The following CASQ1 variants were observed in gnomAD, a reference collection of about 807,000 sequenced individuals.
The protein encoded by CASQ1 is calsequestrin-1.
A neutral mutation model predicts 49.5 loss-of-function variants in CASQ1; 40 were observed. The ratio of observed to expected loss-of-function variants is 0.81; its 90% CI spans 0.63 to 1.05. The LOEUF is 1.05. Ranked by LOEUF, CASQ1 falls within the 50% of genes least tolerant of loss-of-function variation. CASQ1 has a pLI of 0.00. For synonymous variants in CASQ1, 174 were observed against 187.2 expected, an observed-to-expected ratio of 0.93 and a Z score of 0.58; for missense variants, 469 against 486.9, an observed-to-expected ratio of 0.96 and a Z score of 0.35.
At position 160,201,295 on chromosome 1, in the gene CASQ1, T is replaced by C. The variant is rs148441508; in HGVS notation, c.1110T>C (p.Ala370=). Residue 370 remains alanine (A), a synonymous_variant, in exon 11 of 11, where the codon GCT becomes GCC. Transcript: ENST00000368078. ...EMDDEEDLPS[A]EELEDWLEDV... The stretch of plus-strand genomic sequence containing the variant: ...ACGATGAGGAGGACCTGCCTTCTGC[T>C]GAGGAGCTGGAGGACTGGCTGGAGG... 1.1e-5 allele frequency: 17 copies of C among 1,613,692 alleles called. No homozygotes were observed. The highest frequency in any genetic ancestry group is 1.4e-5 in the Non-Finnish European group (16 of 1,179,828).
At chr1:160,195,173 C>A in intron 4 of CASQ1, 50 bp downstream of exon 4, 1 of 1,155,362 alleles carries the variant, frequency 8.7e-7, no homozygotes, top group Non-Finnish European at 1.3e-6. Flanking sequence ...CCCCATCTCA[C>A]CTGTCCTCCC....
chr1:160,192,217 G>T (rs887427400), intron 1 of CASQ1, among the ~76,000 whole-genome samples: 1 of 151,928 alleles, frequency 6.6e-6, no homozygotes, highest in African/African-American at 2.4e-5. Flanking sequence ...GGGGAGAACT[G>T]TCCGGTCGCT....
At chr1:160,192,694 C>T in intron 1 of CASQ1, 108 bp from the exon 2 acceptor site, 2 of 859,850 alleles carry the variant, frequency 2.3e-6, no homozygotes, top group Non-Finnish European at 3.9e-6. Flanking sequence ...TCAAGGTCAA[C>T]TCTTATATCT....
chr1:160,201,755 T>A lies in CASQ1; in HGVS notation c.*379T>A. 4.2e-6 allele frequency: 1 copy of A among 238,678 alleles called. No homozygotes were observed. Among genetic ancestry groups the A allele is most frequent in the Non-Finnish European group, 8.3e-6 (1 of 120,608 alleles). 14.8% of individuals were successfully genotyped at this position (238,678 alleles called of 1,614,324 possible). A position where few individuals can be genotyped will look rare whatever the true frequency, so the allele number is the denominator to read the frequency against. ...TTCCCCCACTCTCTCTAATCCTGTA[T>A]CTTTCTGACTGTCCTGTCCTTGGCC... is the stretch of plus-strand genomic sequence containing the variant. On this transcript the variant is annotated 3_prime_UTR_variant, in exon 11 of 11. Transcript: ENST00000368078.
chr1:160,198,760 A>C (rs549594758), intron 8 of CASQ1, 29 bp downstream of exon 8: 9 of 1,596,282 alleles, frequency 5.6e-6, no homozygotes, highest in Non-Finnish European at 7.7e-6. Flanking sequence ...GTTGGACTGG[A>C]GGGAAGGCAG....
At chr1:160,198,910 C>A in intron 8 of CASQ1, 43 bp from the exon 9 acceptor site, 1 of 1,332,018 alleles carries the variant, frequency 7.5e-7, no homozygotes, top group Non-Finnish European at 1.1e-6. Context: ...GGGTCCCTTT[C>A]CTCTCTACAC....
intron 3 of CASQ1, 135 bp from the exon 4 acceptor site, chr1:160,194,877 A>C: frequency 5.1e-6 from 3 of 586,120 alleles, no homozygotes; most frequent in Non-Finnish European, 9.1e-6. Flanking sequence ...CGCACATGCA[A>C]TCCCCCACAC....
At position 160,190,971 on chromosome 1, in the gene CASQ1, C is replaced by T. The variant is rs923421149; in HGVS notation, c.220C>T (p.Pro74Ser). ...GGTGCTGGCACTCCTCTACCATGAA[C>T]CCCCCGAGGATGACAAGGCCTCACA... Reference protein sequence around the residue: ...YEVLALLYHEPPEDDKASQRQ... With the variant: ...YEVLALLYHESPEDDKASQRQ... The change falls in exon 1 of 11, where the codon CCC (proline) becomes TCC (serine). Residue 74 changes from proline (P) to serine (S), a missense_variant. Coordinates refer to ENST00000368078, the MANE Select transcript of CASQ1 (RefSeq NM_001231.5). The T allele has an allele frequency of 1.2e-6, 2 of 1,614,088 alleles. No homozygotes were observed. The highest frequency in any genetic ancestry group is 8.5e-7 in the Non-Finnish European group (1 of 1,179,988).
At chr1:160,193,133 A>G (rs949121716) in intron 2 of CASQ1, among the ~76,000 whole-genome samples, 3 of 152,096 alleles carry the variant, frequency 2.0e-5, no homozygotes, top group Non-Finnish European at 2.9e-5. Flanking sequence ...CCTTCTTTAT[A>G]CTTACCTTAA....
chr1:160,201,200 C>G (rs749164320), intron 10 of CASQ1, 45 bp from the exon 11 acceptor site: 1 of 1,596,076 alleles, frequency 6.3e-7, no homozygotes, highest in Non-Finnish European at 8.5e-7. Flanking sequence ...GATCCTAAGA[C>G]CCGGGTTGGA....
In CASQ1 at chr1:160,198,700, C is replaced by G; in HGVS notation, c.852C>G (p.His284Gln). The change falls in exon 8 of 11, where the codon CAC (histidine) becomes CAG (glutamine). Residue 284 changes from histidine (H) to glutamine (Q), a missense_variant. His to Gln is a conservative substitution (Grantham distance 24). Coordinates refer to ENST00000368078, the MANE Select transcript of CASQ1 (RefSeq NM_001231.5). The part of the protein sequence containing the change: ...ETWEDDMDGI[H>Q]IVAFAEEADP... ...AGGAGGATGATATGGATGGAATCCACATTGTGGCCTTCGCAGAGGAAGCTG... is the reference window on the plus strand; with the variant it reads ...AGGAGGATGATATGGATGGAATCCAGATTGTGGCCTTCGCAGAGGAAGCTG... The G allele has an allele frequency of 6.2e-7, 1 of 1,613,812 alleles. No individual in the cohort carries two copies. The highest frequency in any genetic ancestry group is 8.5e-7 in the Non-Finnish European group (1 of 1,179,728).
At chr1:160,198,575 T>C (rs1654297811) in intron 7 of CASQ1, 102 bp from the exon 8 acceptor site, 1 of 813,348 alleles carries the variant, frequency 1.2e-6, no homozygotes, top group Non-Finnish European at 2.1e-6. Flanking sequence ...TCCACAAAAT[T>C]GAGGTTCAAT....
Position 160,192,799 on chromosome 1 carries a change from C to CA in CASQ1, c.280-2dup. On this transcript the variant is annotated splice_polypyrimidine_tract_variant and splice_region_variant and intron_variant, in intron 1 of 10. Transcript: ENST00000368078. The stretch of plus-strand genomic sequence containing the variant: ...TAATTTTAATCATAATCCTTCCCTC[C>CA]AGTTAGCAGCCCAAGTCCTAGAAGA... The CA allele has an allele frequency of 6.2e-7, 1 of 1,613,310 alleles. No individual in the cohort carries two copies.
rs1469850951 is a variant in CASQ1, at chr1:160,199,038, T to C, written c.969T>C (p.Pro323=). The C allele has an allele frequency of 6.2e-7, 1 of 1,601,202 alleles. No individual in the cohort carries two copies. Among genetic ancestry groups the C allele is most frequent in the Non-Finnish European group, 8.6e-7 (1 of 1,168,310 alleles). Residue 323 remains proline (P), a synonymous_variant, in exon 9 of 11, where the codon CCT becomes CCC. Coordinates refer to ENST00000368078, the MANE Select transcript of CASQ1 (RefSeq NM_001231.5). ...NPDLSIIWID[P]DDFPLLVPYW... ...ATCTTAGCATCATCTGGATTGACCC[T>C]GATGACTTCCCCCTGGTAAGAGGCA... is the stretch of plus-strand genomic sequence containing the variant.
At chr1:160,192,997 A>C (rs1028405000) in intron 2 of CASQ1, 111 bp downstream of exon 2, 1 of 823,772 alleles carries the variant, frequency 1.2e-6, no homozygotes, top group African/African-American at 1.7e-5. Context: ...GGAATCTCTC[A>C]GATTTATGTC....
intron 4 of CASQ1, 77 bp from the exon 5 acceptor site, chr1:160,195,384 T>A (rs1454836092): frequency 7.4e-7 from 1 of 1,353,526 alleles, no homozygotes; most frequent in Admixed American, 1.7e-5. Flanking sequence ...CTGCAAAGAA[T>A]TGGGGACGAT....
chr1:160,197,050 A>G (rs1451825082), intron 6 of CASQ1, among the ~76,000 whole-genome samples: 1 of 152,178 alleles, frequency 6.6e-6, no homozygotes, highest in Admixed American at 6.5e-5. Context: ...GCACTCACAC[A>G]TAATTCCCTT....
chr1:160,195,662 C>CTT, intron 5 of CASQ1, 128 bp downstream of exon 5: 1 of 832,844 alleles, frequency 1.2e-6, no homozygotes. Context: ...GCCCCCCCCC[C>CTT]CGGCTCCTCC....
chr1:160,199,147 C>A, intron 9 of CASQ1, 94 bp downstream of exon 9: 1 of 839,030 alleles, frequency 1.2e-6, no homozygotes, highest in Non-Finnish European at 2.1e-6. Context: ...GTCCCATCCC[C>A]ACCTCCTAGC....
Sources: gnomAD v4.1 joint callset for allele counts (sites outside exome capture counted in the v4.1 genomes callset) on GRCh38, gnomAD v4.1.1 for gene constraint, MANE v1.5 for transcripts, NCBI Gene and HGNC (gene_info 2026-07-23, HGNC 2026-07-21) for gene names.